The following FLRT2 variants were observed in gnomAD, a reference collection of about 807,000 sequenced individuals.
FLRT2 encodes leucine-rich repeat transmembrane protein FLRT2.
FLRT2 carries 15 observed loss-of-function variants against 40.0 expected under a neutral mutation model. That is an observed-to-expected ratio of 0.38 (90% confidence interval 0.25 to 0.58). The LOEUF is 0.58. FLRT2 is among the 20% of genes least tolerant of loss of function. The pLI is 0.71. For missense variants in FLRT2, 726 were observed against 840.0 expected, an observed-to-expected ratio of 0.86 and a Z score of 1.68; for synonymous variants, 380 against 336.8, an observed-to-expected ratio of 1.13 and a Z score of -1.41.
chr14:85,575,815 C>A (rs1182019535), intron 1 of FLRT2, among the ~76,000 whole-genome samples: 5 of 152,176 alleles, frequency 3.3e-5, no homozygotes, highest in Non-Finnish European at 7.3e-5. Flanking sequence ...TAAATGCCTT[C>A]ACGTCTGTGT....
At chr14:85,608,623 TAGC>T (rs1892730022) in intron 1 of FLRT2, among the ~76,000 whole-genome samples, 1 of 152,194 alleles carries the variant, frequency 6.6e-6, no homozygotes, top group African/African-American at 2.4e-5. Context: ...TTAGTAACTC[TAGC>T]AATATTCGTG....
intron 1 of FLRT2, among the ~76,000 whole-genome samples, chr14:85,543,113 C>T (rs1889075429): frequency 6.6e-6 from 1 of 152,106 alleles, no homozygotes; most frequent in South Asian, 2.1e-4. Context: ...CTTCTCATGC[C>T]CTTTGCTATA....
intron 1 of FLRT2, among the ~76,000 whole-genome samples, chr14:85,568,110 C>G (rs75250933): frequency 0.021 from 3,175 of 151,724 alleles, 115 homozygotes; most frequent in African/African-American, 0.072. Context: ...TGGAGGGTTC[C>G]TTGAGAATTT....
chr14:85,613,022 C>G (rs1469941369), intron 1 of FLRT2, among the ~76,000 whole-genome samples: 1 of 152,028 alleles, frequency 6.6e-6, no homozygotes, highest in African/African-American at 2.4e-5. Flanking sequence ...TTATTTTTTT[C>G]ATAAGCTTTT....
At chr14:85,558,413 G>T (rs1427767406) in intron 1 of FLRT2, among the ~76,000 whole-genome samples, 7 of 152,080 alleles carry the variant, frequency 4.6e-5, no homozygotes, top group Admixed American at 4.6e-4. Flanking sequence ...CATGGGAATG[G>T]GCAGGTGTTC....
At chr14:85,541,869 C>T (rs1398862426) in intron 1 of FLRT2, among the ~76,000 whole-genome samples, 2 of 152,168 alleles carry the variant, frequency 1.3e-5, no homozygotes, top group African/African-American at 4.8e-5. Context: ...GTGCCTGCAG[C>T]TTCCAAGGAG....
chr14:85,591,813 A>G (rs916057900), intron 1 of FLRT2, among the ~76,000 whole-genome samples: 2 of 152,212 alleles, frequency 1.3e-5, no homozygotes. Context: ...TGATTTATTG[A>G]GTGAAGTGAG....
chr14:85,623,316 AG>A lies in FLRT2; in HGVS notation c.1803del (p.Met602Ter), dbSNP rs1405194717. 1 of 1,516,712 alleles carries A rather than the reference AG, an allele frequency of 6.6e-7. No individual in the cohort carries two copies. The highest frequency in any genetic ancestry group is 2.3e-5 in the Admixed American group (1 of 43,646). 94.0% of individuals were successfully genotyped at this position (1,516,712 alleles called of 1,614,324 possible). A position where few individuals can be genotyped will look rare whatever the true frequency, so the allele number is the denominator to read the frequency against. On this transcript the variant is annotated frameshift_variant, in exon 2 of 2. Transcript: ENST00000330753. LOFTEE classifies it high-confidence loss of function. Reference protein sequence around the residue: ...AGTKKDNSILEMTETSFQIVS... With the variant: ...AGTKKDNSILXMTETSFQIVS... The stretch of plus-strand genomic sequence containing the variant: ...ACCAAGAAGGACAACTCCATCCTGG[AG>A]ATGACAGAAACCAGTTTTCAGATCG...
intron 1 of FLRT2, among the ~76,000 whole-genome samples, chr14:85,540,200 T>C (rs1888905923): frequency 6.6e-6 from 1 of 152,196 alleles, no homozygotes; most frequent in Non-Finnish European, 1.5e-5. Flanking sequence ...TTTAAAATTT[T>C]GTTTTGCAAA....
At chr14:85,548,646 C>T (rs1475203524) in intron 1 of FLRT2, among the ~76,000 whole-genome samples, 1 of 152,194 alleles carries the variant, frequency 6.6e-6, no homozygotes, top group East Asian at 1.9e-4. Context: ...TTGGAAAATA[C>T]AACAATCACA....
At chr14:85,617,032 G>A (rs755253760) in intron 1 of FLRT2, among the ~76,000 whole-genome samples, 4 of 152,032 alleles carry the variant, frequency 2.6e-5, no homozygotes, top group African/African-American at 4.8e-5. Flanking sequence ...GAAGGTGTGT[G>A]TAGATCATCG....
chr14:85,588,110 A>G (rs1891712902), intron 1 of FLRT2, among the ~76,000 whole-genome samples: 1 of 152,092 alleles, frequency 6.6e-6, no homozygotes, highest in Admixed American at 6.6e-5. Context: ...TTAGACAAAA[A>G]TATTGCAGAA....
At position 85,623,586 on chromosome 14, in the gene FLRT2, G is replaced by A; in HGVS notation, c.*89G>A. On this transcript the variant is annotated 3_prime_UTR_variant, in exon 2 of 2. Coordinates refer to ENST00000330753, the MANE Select transcript of FLRT2 (RefSeq NM_013231.6). ...ACATAAAGACACGCAGATTACATTT[G>A]ATAAATGTTACACAGATGCATTTGT... is the stretch of plus-strand genomic sequence containing the variant. 1 of 1,054,614 alleles carries A rather than the reference G, an allele frequency of 9.5e-7. No homozygotes were observed. The highest frequency in any genetic ancestry group is 1.3e-6 in the Non-Finnish European group (1 of 776,592). The allele number at this position is 1,054,614 out of a possible 1,614,324, so 65.3% of individuals were successfully genotyped here.
chr14:85,537,826 G>T (rs181433388), intron 1 of FLRT2, among the ~76,000 whole-genome samples: 285 of 143,322 alleles, frequency 2.0e-3, no homozygotes, highest in Admixed American at 4.2e-3. Flanking sequence ...GTCAAAATCT[G>T]TTAGAACCTT....
chr14:85,536,831 A>G (rs1460539297), intron 1 of FLRT2, among the ~76,000 whole-genome samples: 1 of 152,218 alleles, frequency 6.6e-6, no homozygotes, highest in African/African-American at 2.4e-5. Flanking sequence ...AGGCAACTAA[A>G]TGGTTATTCC....
At position 85,647,361 on chromosome 14, in the gene FLRT2, T is replaced by C. The variant is rs1213523292; in HGVS notation, c.*23864T>C. On this transcript the variant is annotated 3_prime_UTR_variant, in exon 2 of 2. Transcript: ENST00000330753. ...ATGTTGCCCAGCAATATAATATATG[T>C]AAATCATACCAAATTATATGTGTTT... 6.6e-6 allele frequency: 1 copy of C among 152,176 alleles called. No individual in the cohort carries two copies. 9.4% of individuals were successfully genotyped at this position (152,176 alleles called of 1,614,324 possible).
Position 85,582,569 on chromosome 14 carries a change from G to T in FLRT2, c.-376-38570G>T, listed in dbSNP as rs138498317. Among the ~76,000 whole-genome samples the T allele has an allele frequency of 2.3e-3, 356 of 152,164 alleles. 1 individual carries two copies. The highest frequency in any genetic ancestry group is 7.8e-3 in the African/African-American group (326 of 41,552). On this transcript the variant is annotated intron_variant, in intron 1 of 1. Transcript: ENST00000330753. ...ATCAGTTTCTTCATCTGTGTAATGG[G>T]AGTAACTGGAGCATCGACCTTATAA...
At chr14:85,595,668 GGTATAACT>G (rs1249958409) in intron 1 of FLRT2, among the ~76,000 whole-genome samples, 1 of 152,038 alleles carries the variant, frequency 6.6e-6, no homozygotes, top group Non-Finnish European at 1.5e-5. Context: ...TTTTATCCAC[GGTATAACT>G]GCCTACCATG....
chr14:85,607,598 C>T (rs896978341), intron 1 of FLRT2, among the ~76,000 whole-genome samples: 4 of 152,266 alleles, frequency 2.6e-5, no homozygotes, highest in African/African-American at 9.6e-5. Flanking sequence ...AGATTGAATT[C>T]AGTGTGAATG....
Sources: gnomAD v4.1 joint callset for allele counts (sites outside exome capture counted in the v4.1 genomes callset) on GRCh38, gnomAD v4.1.1 for gene constraint, MANE v1.5 for transcripts, NCBI Gene and HGNC (gene_info 2026-07-23, HGNC 2026-07-21) for gene names.